The following PAQR8 variants were observed in gnomAD, a reference collection of about 807,000 sequenced individuals.
PAQR8 encodes progestin and adipoQ receptor family member 8.
A neutral mutation model predicts 25.2 loss-of-function variants in PAQR8; 17 were observed. The observed-to-expected ratio is 0.67, with a 90% confidence interval of 0.46 to 1.01. PAQR8 has a LOEUF of 1.01. PAQR8 is among the 50% of genes least tolerant of loss of function. The probability of loss-of-function intolerance (pLI) is 0.00; values close to 1 mark genes in which losing one functional copy is unlikely to be tolerated. For synonymous variants in PAQR8, 204 were observed against 190.6 expected, an observed-to-expected ratio of 1.07 and a Z score of -0.58; for missense variants, 392 against 448.4, an observed-to-expected ratio of 0.87 and a Z score of 1.14.
rs1324688084 is a variant in PAQR8, at chr6:52,404,111, A to G, written c.898A>G (p.Ile300Val). The G allele has an allele frequency of 1.9e-6, 3 of 1,614,100 alleles. No individual in the cohort carries two copies. Among genetic ancestry groups the G allele is most frequent in the African/African-American group, 2.7e-5 (2 of 74,940 alleles). ...CTGTACGCTCTCCCAGCTGGAGGCC[A>G]TCCTCCTGGACTACCAGGGGCGGCA... is the stretch of plus-strand genomic sequence containing the variant. ...SICTLSQLEA[I>V]LLDYQGRQEI... Residue 300 changes from isoleucine (I) to valine (V), a missense_variant, in exon 2 of 2, where the codon ATC becomes GTC. Coordinates refer to ENST00000442253, the MANE Select transcript of PAQR8 (RefSeq NM_133367.5).
intron 1 of PAQR8, among the ~76,000 whole-genome samples, chr6:52,393,952 T>C (rs1763739163): frequency 6.6e-6 from 1 of 152,120 alleles, no homozygotes; most frequent in Non-Finnish European, 1.5e-5. Context: ...CAGGCATGCA[T>C]AGAAGCACAA....
At chr6:52,364,081 ATG>A (rs1316794707) in intron 1 of PAQR8, among the ~76,000 whole-genome samples, 4 of 39,032 alleles carry the variant, frequency 1.0e-4, no homozygotes, top group South Asian at 7.9e-4. Context: ...ATTGAAAGAT[ATG>A]TTTTTTTTTT....
At chr6:52,402,237 G>A (rs1452186324) in intron 1 of PAQR8, among the ~76,000 whole-genome samples, 1 of 152,126 alleles carries the variant, frequency 6.6e-6, no homozygotes, top group East Asian at 1.9e-4. Context: ...GGTGGTGCAT[G>A]CCTGTAATAC....
Position 52,404,999 on chromosome 6 carries a change from ATAATAC to A in PAQR8, c.*726_*731del, listed in dbSNP as rs1763891309. The stretch of plus-strand genomic sequence containing the variant: ...GGACATTCAGGAAGCTTATTCTCAT[ATAATAC>A]TAATCTAAACAGTACTAGAAATTAC... On this transcript the variant is annotated 3_prime_UTR_variant, in exon 2 of 2. Transcript: ENST00000442253. 2 of 167,174 alleles carry A rather than the reference ATAATAC, an allele frequency of 1.2e-5. No individual in the cohort carries two copies. Among genetic ancestry groups the A allele is most frequent in the African/African-American group, 4.8e-5 (2 of 41,470 alleles). 10.4% of individuals were successfully genotyped at this position (167,174 alleles called of 1,614,324 possible). A position where few individuals can be genotyped will look rare whatever the true frequency, so the allele number is the denominator to read the frequency against.
At chr6:52,364,055 T>C (rs1332001825) in intron 1 of PAQR8, among the ~76,000 whole-genome samples, 2 of 150,106 alleles carry the variant, frequency 1.3e-5, no homozygotes, top group Non-Finnish European at 3.0e-5. Context: ...AGGAATCTTA[T>C]TAAGTGGATA....
At chr6:52,391,397 T>A (rs188583109) in intron 1 of PAQR8, among the ~76,000 whole-genome samples, 264 of 152,328 alleles carry the variant, frequency 1.7e-3, no homozygotes, top group African/African-American at 6.2e-3. Context: ...ATACTCCATT[T>A]TTGGATGTCG....
intron 1 of PAQR8, among the ~76,000 whole-genome samples, chr6:52,400,875 A>G (rs1293914612): frequency 3.9e-5 from 6 of 152,186 alleles, no homozygotes; most frequent in Non-Finnish European, 7.3e-5. Flanking sequence ...TTGTATCCCT[A>G]GTACCTAGTA....
At chr6:52,397,457 TG>T (rs1562433696) in intron 1 of PAQR8, among the ~76,000 whole-genome samples, 3 of 152,220 alleles carry the variant, frequency 2.0e-5, no homozygotes, top group Non-Finnish European at 4.4e-5. Context: ...TAGATCTATT[TG>T]TATTTCGCTC....
At chr6:52,372,004 C>T (rs1172234559) in intron 1 of PAQR8, among the ~76,000 whole-genome samples, 2 of 152,212 alleles carry the variant, frequency 1.3e-5, no homozygotes, top group Admixed American at 6.5e-5. Context: ...GTCTGTCCAG[C>T]TCAGCACTCT....
chr6:52,379,953 G>A (rs1455406571), intron 1 of PAQR8, among the ~76,000 whole-genome samples: 1 of 151,738 alleles, frequency 6.6e-6, no homozygotes, highest in Non-Finnish European at 1.5e-5. Context: ...AAGAGATGGG[G>A]TTTCACCATG....
At chr6:52,397,803 G>A (rs1219864081) in intron 1 of PAQR8, among the ~76,000 whole-genome samples, 1 of 152,186 alleles carries the variant, frequency 6.6e-6, no homozygotes, top group Non-Finnish European at 1.5e-5. Flanking sequence ...AGGAGGGTGT[G>A]GGAACAGAGG....
chr6:52,385,298 G>A (rs996256373), intron 1 of PAQR8, among the ~76,000 whole-genome samples: 4 of 152,166 alleles, frequency 2.6e-5, no homozygotes, highest in South Asian at 4.1e-4. Context: ...CTCTTCCATC[G>A]TCTTCTGCCA....
chr6:52,400,384 G>T (rs1763816052), intron 1 of PAQR8, among the ~76,000 whole-genome samples: 1 of 152,168 alleles, frequency 6.6e-6, no homozygotes, highest in Admixed American at 6.5e-5. Context: ...ACACTTTACA[G>T]CCATTATGTC....
chr6:52,373,149 A>G (rs972539946), intron 1 of PAQR8, among the ~76,000 whole-genome samples: 1 of 152,158 alleles, frequency 6.6e-6, no homozygotes. Context: ...TATGAATTCA[A>G]CCATTTTCCC....
At chr6:52,375,340 C>T (rs1194951696) in intron 1 of PAQR8, among the ~76,000 whole-genome samples, 1 of 152,102 alleles carries the variant, frequency 6.6e-6, no homozygotes, top group Non-Finnish European at 1.5e-5. Flanking sequence ...TTTGCCATCT[C>T]CTAAATAAGT....
At chr6:52,381,099 C>G (rs1020153035) in intron 1 of PAQR8, among the ~76,000 whole-genome samples, 2 of 152,164 alleles carry the variant, frequency 1.3e-5, no homozygotes, top group African/African-American at 4.8e-5. Flanking sequence ...TGGACAGGCA[C>G]CTTTGCTTTT....
chr6:52,373,238 A>T (rs1763441853), intron 1 of PAQR8, among the ~76,000 whole-genome samples: 1 of 152,254 alleles, frequency 6.6e-6, no homozygotes, highest in Non-Finnish European at 1.5e-5. Context: ...AGAAAGGACC[A>T]GCCTGAAATA....
chr6:52,393,912 G>A (rs1022475878), intron 1 of PAQR8, among the ~76,000 whole-genome samples: 1 of 152,162 alleles, frequency 6.6e-6, no homozygotes, highest in African/African-American at 2.4e-5. Context: ...AGTAGGAGTT[G>A]GCCAGTGGAC....
intron 1 of PAQR8, among the ~76,000 whole-genome samples, chr6:52,367,545 CTAT>C (rs1365109567): frequency 6.6e-6 from 1 of 152,212 alleles, no homozygotes; most frequent in African/African-American, 2.4e-5. Context: ...GTTTCTTAAC[CTAT>C]TATGTACAGA....
Sources: allele counts gnomAD v4.1 joint callset (sites outside exome capture counted in the v4.1 genomes callset), GRCh38; gene constraint gnomAD v4.1.1; transcripts MANE v1.5; gene names NCBI Gene and HGNC (gene_info 2026-07-23, HGNC 2026-07-21).